The following RIC1 variants were observed in gnomAD, a reference collection of about 807,000 sequenced individuals.
The protein encoded by RIC1 is guanine nucleotide exchange factor subunit RIC1.
In RIC1, 88 loss-of-function variants were observed where a neutral mutation model predicts 169.0. The observed-to-expected ratio is 0.52, with a 90% CI of 0.44 to 0.62. The LOEUF is 0.62. RIC1 is among the 20% of genes least tolerant of loss of function. RIC1 has a pLI of 0.00. For synonymous variants in RIC1, 790 were observed against 601.5 expected (o/e 1.31, Z -4.59); for missense variants, 1,877 against 1,725.5 (o/e 1.09, Z -1.56).
At chr9:5,690,527 T>G (rs1821532589) in intron 3 of RIC1, among the ~76,000 whole-genome samples, 1 of 151,834 alleles carries the variant, frequency 6.6e-6, no homozygotes, top group Non-Finnish European at 1.5e-5. Context: ...GGCCTTAACT[T>G]TTGAAATAAA....
intron 3 of RIC1, among the ~76,000 whole-genome samples, chr9:5,701,554 A>G (rs1822221337): frequency 6.6e-6 from 1 of 151,626 alleles, no homozygotes; most frequent in African/African-American, 2.4e-5. Context: ...AGATTGCACC[A>G]CTGCACTCCA....
At chr9:5,701,458 C>G (rs1822214856) in intron 3 of RIC1, among the ~76,000 whole-genome samples, 3 of 151,998 alleles carry the variant, frequency 2.0e-5, no homozygotes, top group South Asian at 4.2e-4. Context: ...ACTAACAATA[C>G]AAAAATTAGC....
At chr9:5,637,226 A>AT (rs112529511) in intron 1 of RIC1, among the ~76,000 whole-genome samples, 3,798 of 147,330 alleles carry the variant, frequency 0.026, 170 homozygotes, top group African/African-American at 0.089. Flanking sequence ...CACTTGGCTA[A>AT]TTTTTTTTTT....
intron 6 of RIC1, among the ~76,000 whole-genome samples, chr9:5,725,010 A>G (rs1823870867): frequency 1.3e-5 from 2 of 152,136 alleles, no homozygotes; most frequent in Non-Finnish European, 2.9e-5. Flanking sequence ...ATATTGGTCT[A>G]ATATTCTCTT....
chr9:5,756,424 C>G (rs1157657456), intron 16 of RIC1, 52 bp downstream of exon 16: 1 of 1,213,300 alleles, frequency 8.2e-7, no homozygotes, highest in Non-Finnish European at 1.1e-6. Flanking sequence ...TACCACGTTT[C>G]TCTTTTGTAG....
At chr9:5,688,620 G>A (rs1403321381) in intron 2 of RIC1, among the ~76,000 whole-genome samples, 1 of 152,150 alleles carries the variant, frequency 6.6e-6, no homozygotes, top group Non-Finnish European at 1.5e-5. Flanking sequence ...GTATCTTACA[G>A]TGTTGAAACT....
intron 17 of RIC1, 101 bp downstream of exon 17, chr9:5,757,552 C>A (rs1826081548): frequency 4.1e-6 from 5 of 1,222,584 alleles, no homozygotes; most frequent in Non-Finnish European, 5.8e-6. Flanking sequence ...TACTAAGTGT[C>A]TAAAATGTAC....
At chr9:5,743,088 G>A (rs1825175100) in intron 9 of RIC1, 75 bp downstream of exon 9, 4 of 1,401,988 alleles carry the variant, frequency 2.9e-6, no homozygotes, top group Non-Finnish European at 3.9e-6. Context: ...AAAACCTTGT[G>A]TCAGAACTTC....
At chr9:5,686,231 G>T (rs2130683677) in intron 2 of RIC1, among the ~76,000 whole-genome samples, 1 of 151,692 alleles carries the variant, frequency 6.6e-6, no homozygotes, top group African/African-American at 2.4e-5. Flanking sequence ...ATTCCTCAGG[G>T]ATCTAGAACT....
At chr9:5,761,552 T>C (rs761279297) in intron 17 of RIC1, among the ~76,000 whole-genome samples, 27 of 152,300 alleles carry the variant, frequency 1.8e-4, no homozygotes, top group Non-Finnish European at 3.8e-4. Flanking sequence ...AAAGGGAAAC[T>C]CTTTGGTTTT....
At chr9:5,643,730 T>C (rs569799540) in intron 1 of RIC1, among the ~76,000 whole-genome samples, 1 of 152,310 alleles carries the variant, frequency 6.6e-6, no homozygotes, top group South Asian at 2.1e-4. Context: ...AAAATGGTGA[T>C]ATAGGACCTG....
In RIC1 at chr9:5,701,847, G is replaced by T. The variant is rs149625817; in HGVS notation, c.332+11809G>T. 5.7e-4 allele frequency among the ~76,000 whole-genome samples: 87 copies of T among 152,142 alleles called. 1 individual carries two copies. The East Asian group carries it at 0.013, about 23-fold the overall frequency. On this transcript the variant is annotated intron_variant, in intron 3 of 25. Coordinates refer to ENST00000414202, the MANE Select transcript of RIC1 (RefSeq NM_020829.4). Reference sequence around the variant, plus strand: ...GGTTAGTTTCTCAAGCACATGACTGGGATCAAAAGCAAAGGAGTAACTGTT... The same window carrying T: ...GGTTAGTTTCTCAAGCACATGACTGTGATCAAAAGCAAAGGAGTAACTGTT...
At chr9:5,682,670 G>A (rs998124251) in intron 2 of RIC1, among the ~76,000 whole-genome samples, 4 of 151,988 alleles carry the variant, frequency 2.6e-5, no homozygotes, top group Non-Finnish European at 5.9e-5. Flanking sequence ...TATCTTTGTG[G>A]CGTTCTCTGT....
intron 3 of RIC1, among the ~76,000 whole-genome samples, chr9:5,705,352 CA>C (rs1822519673): frequency 6.6e-6 from 1 of 152,054 alleles, no homozygotes; most frequent in Non-Finnish European, 1.5e-5. Context: ...TTTATTTACG[CA>C]TACAACTCTT....
chr9:5,634,902 G>C (rs1303787186), intron 1 of RIC1, among the ~76,000 whole-genome samples: 7 of 152,054 alleles, frequency 4.6e-5, no homozygotes, highest in Admixed American at 2.0e-4. Flanking sequence ...GTACATAGTA[G>C]ATCTGTGTAT....
intron 17 of RIC1, 144 bp downstream of exon 17, chr9:5,757,595 T>C: frequency 1.3e-6 from 1 of 776,342 alleles, no homozygotes; most frequent in Non-Finnish European, 2.0e-6. Flanking sequence ...CAGTGGCAAA[T>C]TAAAAAGACA....
chr9:5,736,752 G>C (rs73377834), intron 7 of RIC1, among the ~76,000 whole-genome samples: 14,537 of 152,092 alleles, frequency 0.096, 2,271 homozygotes, highest in African/African-American at 0.33. Context: ...CAACAGATTA[G>C]ACATTGCAGA....
intron 2 of RIC1, among the ~76,000 whole-genome samples, chr9:5,672,323 A>G (rs1343782278): frequency 6.6e-6 from 1 of 152,238 alleles, no homozygotes; most frequent in African/African-American, 2.4e-5. Context: ...GCTCCTATTG[A>G]TGAGCCACAG....
intron 3 of RIC1, among the ~76,000 whole-genome samples, chr9:5,705,718 G>A (rs554017996): frequency 2.0e-5 from 3 of 152,292 alleles, no homozygotes; most frequent in East Asian, 1.9e-4. Context: ...TGATCGTAGC[G>A]GGAAAACTTT....
Sources: allele counts gnomAD v4.1 joint callset (sites outside exome capture counted in the v4.1 genomes callset), GRCh38; gene constraint gnomAD v4.1.1; transcripts MANE v1.5; gene names NCBI Gene and HGNC (gene_info 2026-07-23, HGNC 2026-07-21).